Variants in PAK5 observed in about 807,000 individuals in gnomAD.
The protein encoded by PAK5 is serine/threonine-protein kinase PAK 5.
Under a neutral mutation model 65.9 loss-of-function variants are expected in PAK5, and 16 were observed. That is an observed-to-expected ratio of 0.24 (90% CI 0.16 to 0.37). The LOEUF is 0.37. PAK5 is among the 10% of genes least tolerant of loss of function. PAK5 has a pLI of 1.00. For synonymous variants in PAK5, 371 were observed against 354.9 expected (o/e 1.05, Z -0.51); for missense variants, 785 against 903.9 (o/e 0.87, Z 1.69).
intron 1 of PAK5, among the ~76,000 whole-genome samples, chr20:9,741,042 C>A (rs186923768): frequency 3.3e-4 from 50 of 152,324 alleles, no homozygotes; most frequent in African/African-American, 1.2e-3. Flanking sequence ...ACAGAATGCA[C>A]TGTCAAACTC....
chr20:9,700,142 C>T (rs73242850), intron 2 of PAK5, among the ~76,000 whole-genome samples: 1,677 of 152,124 alleles, frequency 0.011, 36 homozygotes, highest in African/African-American at 0.038. Context: ...CCAGGCACAG[C>T]GGCTCACACC....
intron 1 of PAK5, among the ~76,000 whole-genome samples, chr20:9,802,910 G>GTGTGTATGTATATATATATATATATA (rs142279832): frequency 2.2e-5 from 1 of 46,364 alleles, no homozygotes; most frequent in African/African-American, 8.0e-5. Flanking sequence ...ATATGTATGT[G>GTGTGTATGTATATATATATATATATA]TATATATATA....
At chr20:9,660,554 G>A (rs1048191332) in intron 2 of PAK5, among the ~76,000 whole-genome samples, 6 of 151,934 alleles carry the variant, frequency 3.9e-5, no homozygotes, top group African/African-American at 1.5e-4. Context: ...GATAAGGCCC[G>A]TGAGAAAAAA....
rs1305809801 is a variant in PAK5 at position 9,824,212 on chromosome 20, T to G, written c.-162+14550A>C. Among the ~76,000 whole-genome samples, 3 of 152,184 alleles carry G rather than the reference T, an allele frequency of 2.0e-5. No homozygotes were observed. In the East Asian group the frequency reaches 5.8e-4, roughly 29 times the overall value. On this transcript the variant is annotated intron_variant, in intron 1 of 9. Transcript: ENST00000353224. ...TATTAGACAGTTTCAAAAAAATCCC[T>G]GTTGTGTTTCATTTGAATTAAACCA...
rs57705525 is a variant in PAK5 at position 9,802,910 on chromosome 20, G to GTATATA, written c.-162+35846_-162+35851dup. On this transcript the variant is annotated intron_variant, in intron 1 of 9. Transcript: ENST00000353224. ...CTTCTGTACTATTGTATATGTATGT[G>GTATATA]TATATATATATATATATATATATGA... Among the ~76,000 whole-genome samples, 375 of 46,384 alleles carry GTATATA rather than the reference G, an allele frequency of 8.1e-3. 15 individuals carry two copies. The highest frequency in any genetic ancestry group is 0.036 in the Middle Eastern group (2 of 56). The allele number at this position is 46,384 out of a possible 152,430, so 30.4% of individuals were successfully genotyped here.
At chr20:9,645,375 C>T (rs1406058467) in intron 2 of PAK5, among the ~76,000 whole-genome samples, 1 of 152,184 alleles carries the variant, frequency 6.6e-6, no homozygotes. Context: ...GTTTGCATCC[C>T]AGCTAGGTCA....
At chr20:9,565,286 T>C (rs1211262806) in intron 5 of PAK5, among the ~76,000 whole-genome samples, 1 of 152,180 alleles carries the variant, frequency 6.6e-6, no homozygotes, top group African/African-American at 2.4e-5. Flanking sequence ...ATGTAGGCTA[T>C]TCCTTGACTG....
chr20:9,557,819 A>C (rs749804237), intron 6 of PAK5, 85 bp from the exon 7 acceptor site: 175 of 1,087,868 alleles, frequency 1.6e-4, no homozygotes, highest in Non-Finnish European at 1.9e-4. Flanking sequence ...CTTGTGCTTT[A>C]GTGAAACAGT....
chr20:9,683,823 A>G (rs1600238374), intron 2 of PAK5, among the ~76,000 whole-genome samples: 1 of 152,190 alleles, frequency 6.6e-6, no homozygotes, highest in East Asian at 1.9e-4. Context: ...GGATCAAGCA[A>G]TCTTCCTGTC....
Position 9,831,760 on chromosome 20 carries a change from G to A in PAK5, c.-162+7002C>T, listed in dbSNP as rs78875092. Among the ~76,000 whole-genome samples the A allele has an allele frequency of 1.6e-4, 24 of 152,230 alleles. No homozygotes were observed. In the East Asian group the frequency reaches 4.1e-3, roughly 26 times the overall value. ...TGAGCTCAAGTGATCCACCCACCTC[G>A]AGTTCCCAAAGTGGTGAGATTACAG... On this transcript the variant is annotated intron_variant, in intron 1 of 9. Coordinates refer to ENST00000353224, the MANE Select transcript of PAK5 (RefSeq NM_177990.4).
At chr20:9,542,804 C>T in intron 8 of PAK5, 84 bp from the exon 9 acceptor site, 1 of 1,203,896 alleles carries the variant, frequency 8.3e-7, no homozygotes, top group Non-Finnish European at 1.2e-6. Flanking sequence ...CATACTCATT[C>T]ACAAGTGACT....
chr20:9,620,957 GAA>G (rs890922856), intron 3 of PAK5, among the ~76,000 whole-genome samples: 8 of 30,088 alleles, frequency 2.7e-4, no homozygotes, highest in African/African-American at 6.7e-4. Flanking sequence ...AAGAGAGAGA[GAA>G]AGAGAGAGAG....
chr20:9,675,450 A>T (rs1035822002), intron 2 of PAK5, among the ~76,000 whole-genome samples: 2 of 152,142 alleles, frequency 1.3e-5, no homozygotes, highest in Non-Finnish European at 2.9e-5. Context: ...TTTGTTCAAC[A>T]TTTGAATAAA....
intron 3 of PAK5, among the ~76,000 whole-genome samples, chr20:9,589,092 C>G (rs2046120188): frequency 6.6e-6 from 1 of 152,208 alleles, no homozygotes; most frequent in Admixed American, 6.5e-5. Flanking sequence ...ATCTCTTTTT[C>G]AAAAGCAGTA....
At chr20:9,775,966 A>G (rs577248174) in intron 1 of PAK5, among the ~76,000 whole-genome samples, 12 of 152,374 alleles carry the variant, frequency 7.9e-5, no homozygotes, top group African/African-American at 2.6e-4. Flanking sequence ...TTAATTCATT[A>G]TGAGAAAGTT....
chr20:9,653,409 C>T (rs577222047), intron 2 of PAK5, among the ~76,000 whole-genome samples: 5 of 152,220 alleles, frequency 3.3e-5, no homozygotes, highest in Admixed American at 6.5e-5. Flanking sequence ...GTCTATGCTT[C>T]CAAAGCTCCT....
chr20:9,674,738 T>A (rs1305830920), intron 2 of PAK5, among the ~76,000 whole-genome samples: 1 of 152,220 alleles, frequency 6.6e-6, no homozygotes, highest in South Asian at 2.1e-4. Flanking sequence ...CTGAACAGGC[T>A]GTGACCTGAG....
chr20:9,641,012 T>C lies in PAK5; in HGVS notation c.204+3113A>G, dbSNP rs200175518. ...GGCTCGGGCAGCCTGCTTTTATTCT[T>C]TTATCTGGCCCCACCCACATCCTGC... On this transcript the variant is annotated intron_variant, in intron 3 of 9. Transcript: ENST00000353224. Among the ~76,000 whole-genome samples, 15 of 152,262 alleles carry C rather than the reference T, an allele frequency of 9.9e-5. No homozygotes were observed. The East Asian group carries it at 2.9e-3, about 29-fold the overall frequency.
intron 3 of PAK5, among the ~76,000 whole-genome samples, chr20:9,638,903 G>T (rs540278536): frequency 6.6e-6 from 1 of 152,260 alleles, no homozygotes; most frequent in Admixed American, 6.5e-5. Context: ...AACATCAGGG[G>T]CGACACACTT....
Sources: gnomAD v4.1 joint callset for allele counts (sites outside exome capture counted in the v4.1 genomes callset) on GRCh38, gnomAD v4.1.1 for gene constraint, MANE v1.5 for transcripts, NCBI Gene and HGNC (gene_info 2026-07-23, HGNC 2026-07-21) for gene names.